The following KDM2B variants were observed in gnomAD, a reference collection of about 807,000 sequenced individuals.
KDM2B encodes the protein lysine-specific demethylase 2B.
In KDM2B, 26 loss-of-function variants were observed where a neutral mutation model predicts 150.0. That is an observed-to-expected ratio of 0.17 (90% CI 0.13 to 0.24). The LOEUF (loss-of-function observed/expected upper bound fraction) is 0.24, where lower values mean the gene tolerates loss of function less well. Among genes scored for constraint, KDM2B ranks in the 10% least tolerant of loss-of-function variants. KDM2B has a pLI of 1.00. For synonymous variants in KDM2B, 734 were observed against 729.5 expected (o/e 1.01, Z -0.10); for missense variants, 1,265 against 1,816.9 (o/e 0.70, Z 5.52).
At chr12:121,444,411 T>C in intron 15 of KDM2B, 39 bp downstream of exon 15, 1 of 1,611,866 alleles carries the variant, frequency 6.2e-7, no homozygotes, top group South Asian at 1.1e-5. Context: ...GGCCCGCCCC[T>C]CTCCCGACTG....
intron 8 of KDM2B, among the ~76,000 whole-genome samples, chr12:121,531,330 T>C (rs1887644997): frequency 1.3e-5 from 2 of 152,144 alleles, no homozygotes; most frequent in South Asian, 4.1e-4. Context: ...CTGCCCAACT[T>C]TCTAGAAGCA....
chr12:121,421,372 A>ACAAAAAC, the KDM2B span, among the ~76,000 whole-genome samples: 2 of 53,872 alleles, frequency 3.7e-5, no homozygotes, highest in African/African-American at 8.2e-5. Context: ...TCCCATCTCT[A>ACAAAAAC]AAAAAAAAAA....
At chr12:121,476,219 C>T (rs201350578) in intron 12 of KDM2B, among the ~76,000 whole-genome samples, 3 of 151,872 alleles carry the variant, frequency 2.0e-5, no homozygotes, top group African/African-American at 4.8e-5. Context: ...CACTCAAACC[C>T]GGGAGGCGGA....
At chr12:121,530,609 A>G (rs1887586278) in intron 8 of KDM2B, among the ~76,000 whole-genome samples, 1 of 151,948 alleles carries the variant, frequency 6.6e-6, no homozygotes, top group Non-Finnish European at 1.5e-5. Context: ...CCAGGGGAAA[A>G]AATCCTGGTA....
At chr12:121,438,884 G>A (rs1335560809) in intron 22 of KDM2B, among the ~76,000 whole-genome samples, 5 of 149,706 alleles carry the variant, frequency 3.3e-5, no homozygotes, top group South Asian at 2.1e-4. Context: ...TTGCTCTCAC[G>A]CAAACCCAAC....
At chr12:121,463,249 G>A (rs1879357807) in intron 12 of KDM2B, among the ~76,000 whole-genome samples, 1 of 151,944 alleles carries the variant, frequency 6.6e-6, no homozygotes, top group East Asian at 1.9e-4. Flanking sequence ...CCAGGAAGCA[G>A]AGATTGCAGT....
intron 12 of KDM2B, among the ~76,000 whole-genome samples, chr12:121,455,929 T>C (rs899171395): frequency 4.6e-5 from 7 of 152,158 alleles, no homozygotes; most frequent in African/African-American, 1.7e-4. Flanking sequence ...AACCTGAAGC[T>C]GAGCAGCCAA....
rs1555284796 is a variant in KDM2B, at chr12:121,429,290, C to T, written c.*998G>A. On this transcript the variant is annotated 3_prime_UTR_variant, in exon 23 of 23. Transcript: ENST00000377071. ...TGGCACTTATAAATGCAGAACTTTA[C>T]AACTAGGAAATAGCCATGTTACAAA... 1 of 152,546 alleles carries T rather than the reference C, an allele frequency of 6.6e-6. No homozygotes were observed. The allele number at this position is 152,546 out of a possible 1,614,324, so 9.4% of individuals were successfully genotyped here.
the KDM2B span, chr12:121,420,297 A>C: frequency 1.9e-6 from 3 of 1,589,058 alleles, no homozygotes; most frequent in Admixed American, 3.5e-5. Flanking sequence ...GACGATGATG[A>C]GGATGATGAT....
At chr12:121,517,012 G>A in intron 9 of KDM2B, 1 of 586,360 alleles carries the variant, frequency 1.7e-6, no homozygotes, top group Non-Finnish European at 3.0e-6. Flanking sequence ...TTTCTGGGAA[G>A]GCTGCTTTCA....
chr12:121,527,016 G>C (rs1887199525), intron 8 of KDM2B, among the ~76,000 whole-genome samples: 1 of 151,998 alleles, frequency 6.6e-6, no homozygotes, highest in African/African-American at 2.4e-5. Flanking sequence ...TTGGCAACAA[G>C]AGCAACGCTC....
chr12:121,549,361 A>T lies in KDM2B; in HGVS notation c.576+99T>A. 1 of 1,157,972 alleles carries T rather than the reference A, an allele frequency of 8.6e-7. No individual in the cohort carries two copies. Among genetic ancestry groups the T allele is most frequent in the Non-Finnish European group, 1.2e-6 (1 of 814,068 alleles). The allele number at this position is 1,157,972 out of a possible 1,614,324, so 71.7% of individuals were successfully genotyped here. ...CTGCCAAGCCCAGCCAGCCACACCC[A>T]CATGAGCCTTTTTGCAAGGCACAAC... On this transcript the variant is annotated intron_variant, in intron 5 of 22. Coordinates refer to ENST00000377071, the MANE Select transcript of KDM2B (RefSeq NM_032590.5). The surrounding 1 kb of genome is among the most constrained non-coding windows in gnomAD (Gnocchi z 4.4).
intron 11 of KDM2B, among the ~76,000 whole-genome samples, 160 bp downstream of exon 11, chr12:121,509,405 GGC>G (rs1885383068): frequency 1.3e-5 from 2 of 151,770 alleles, no homozygotes; most frequent in Non-Finnish European, 2.9e-5. Flanking sequence ...ACCCTACATA[GGC>G]TTTTGTGGAC....
chr12:121,574,426 CT>C, intron 4 of KDM2B, 120 bp downstream of exon 4: 1 of 884,230 alleles, frequency 1.1e-6, no homozygotes, highest in Non-Finnish European at 1.8e-6. Context: ...CTGCTCCTGC[CT>C]TCTCCCGTGG....
chr12:121,510,341 T>C (rs189852483), intron 10 of KDM2B, among the ~76,000 whole-genome samples: 69 of 152,304 alleles, frequency 4.5e-4, no homozygotes, highest in African/African-American at 1.6e-3. Flanking sequence ...AGTGGCACAA[T>C]CTCAGCTCGC....
intron 22 of KDM2B, among the ~76,000 whole-genome samples, chr12:121,438,654 A>G (rs903589233): frequency 6.6e-6 from 1 of 152,062 alleles, no homozygotes; most frequent in Non-Finnish European, 1.5e-5. Flanking sequence ...GTCCCGAATG[A>G]TCTCATCCCA....
intron 12 of KDM2B, among the ~76,000 whole-genome samples, chr12:121,488,292 C>T (rs782008002): frequency 1.3e-5 from 2 of 152,152 alleles, no homozygotes; most frequent in African/African-American, 4.8e-5. Context: ...CTCGTGTCCT[C>T]GATTTCTATC....
At chr12:121,536,119 T>G in intron 6 of KDM2B, 5 of 983,272 alleles carry the variant, frequency 5.1e-6, no homozygotes, top group Non-Finnish European at 6.0e-6. Context: ...CCGGCACGAG[T>G]GGAGATAATG....
At position 121,442,215 on chromosome 12, in the gene KDM2B, A is replaced by G. The variant is rs782695897; in HGVS notation, c.3226T>C (p.Tyr1076His). The G allele has an allele frequency of 1.9e-6, 3 of 1,613,432 alleles. No homozygotes were observed. Among genetic ancestry groups the G allele is most frequent in the African/African-American group, 1.3e-5 (1 of 75,054 alleles). The change falls in exon 19 of 23, where the codon TAC (tyrosine) becomes CAC (histidine). Residue 1076 changes from tyrosine to histidine, a missense_variant. Physicochemically the swap from Tyr to His is moderately conservative, Grantham distance 83. Transcript: ENST00000377071. The surrounding 1 kb of genome is among the most constrained non-coding windows in gnomAD (Gnocchi z 7.7). ...ACACACAGGTCTTGGTGGCTGAGGT[A>G]GCTGAAGACGGCCATCCACACCTCC... ...HREVWMAVFS[Y>H]LSHQDLCVCM...
Sources: allele counts gnomAD v4.1 joint callset (sites outside exome capture counted in the v4.1 genomes callset), GRCh38; gene constraint gnomAD v4.1.1; non-coding constraint Gnocchi (gnomAD v3.1); transcripts MANE v1.5; gene names NCBI Gene and HGNC (gene_info 2026-07-23, HGNC 2026-07-21).